The following SHISA9 variants were observed in gnomAD, a reference collection of about 807,000 sequenced individuals.
The protein encoded by SHISA9 is shisa family member 9, also known as protein shisa-9.
A neutral mutation model predicts 38.0 loss-of-function variants in SHISA9; 13 were observed. The observed-to-expected ratio is 0.34, with a 90% CI of 0.22 to 0.54. The LOEUF is 0.54. Ranked by LOEUF, SHISA9 falls within the 20% of genes least tolerant of loss-of-function variation. The pLI, the probability that SHISA9 is intolerant of heterozygous loss-of-function variation, is 0.91. For missense variants in SHISA9, 538 were observed against 575.8 expected (o/e 0.93, Z 0.67); for synonymous variants, 275 against 242.0 (o/e 1.14, Z -1.27).
intron 2 of SHISA9, among the ~76,000 whole-genome samples, chr16:12,944,408 GC>G (rs1383001768): frequency 1.3e-5 from 2 of 152,194 alleles, no homozygotes; most frequent in Non-Finnish European, 2.9e-5. Context: ...GTCAATACAT[GC>G]TAGCATCTGG....
the SHISA9 span, among the ~76,000 whole-genome samples, chr16:13,511,115 C>T: frequency 1.4e-4 from 21 of 152,158 alleles, no homozygotes; most frequent in Admixed American, 1.4e-3. Context: ...TCAAGAGTAA[C>T]TACTAATAAA....
chr16:13,462,645 T>G, the SHISA9 span, among the ~76,000 whole-genome samples: 1 of 151,902 alleles, frequency 6.6e-6, no homozygotes, highest in Admixed American at 6.6e-5. Flanking sequence ...GCCAACATGG[T>G]AAAACCCTGT....
At chr16:13,301,396 C>T in the SHISA9 span, among the ~76,000 whole-genome samples, 1 of 152,172 alleles carries the variant, frequency 6.6e-6, no homozygotes, top group Admixed American at 6.5e-5. Flanking sequence ...TTTGAATAGG[C>T]CCCCACATAA....
At chr16:12,966,281 C>T (rs1017471166) in intron 2 of SHISA9, among the ~76,000 whole-genome samples, 1 of 152,200 alleles carries the variant, frequency 6.6e-6, no homozygotes, top group African/African-American at 2.4e-5. Context: ...TACCCTTGGC[C>T]TTTAAGACCA....
the SHISA9 span, among the ~76,000 whole-genome samples, chr16:13,519,045 A>G: frequency 1.3e-5 from 2 of 152,212 alleles, no homozygotes; most frequent in Admixed American, 6.5e-5. Context: ...TAAGTTTCCA[A>G]TATATGCTTT....
At chr16:13,168,879 C>G (rs1051218221) in intron 2 of SHISA9, among the ~76,000 whole-genome samples, 1 of 152,234 alleles carries the variant, frequency 6.6e-6, no homozygotes, top group Admixed American at 6.5e-5. Flanking sequence ...CAATACCTGC[C>G]TCACAGAGCC....
At chr16:13,416,534 G>T in the SHISA9 span, among the ~76,000 whole-genome samples, 1 of 152,046 alleles carries the variant, frequency 6.6e-6, no homozygotes, top group South Asian at 2.1e-4. Flanking sequence ...TTATTCCTGT[G>T]GAAACCACTT....
At chr16:13,007,346 C>A (rs1319856560) in intron 2 of SHISA9, among the ~76,000 whole-genome samples, 5 of 152,160 alleles carry the variant, frequency 3.3e-5, no homozygotes, top group Admixed American at 6.5e-5. Flanking sequence ...TCTTTTCCAA[C>A]CTCCCACCCC....
intron 2 of SHISA9, among the ~76,000 whole-genome samples, chr16:13,098,655 A>T (rs1330589387): frequency 6.6e-6 from 1 of 152,244 alleles, no homozygotes; most frequent in African/African-American, 2.4e-5. Context: ...TGGAGGCTGC[A>T]GGAGGCAGGA....
the SHISA9 span, among the ~76,000 whole-genome samples, chr16:13,419,558 G>T: frequency 1.3e-5 from 2 of 152,178 alleles, no homozygotes; most frequent in Non-Finnish European, 2.9e-5. Context: ...GAAGACATGT[G>T]GGAAGTCTAG....
chr16:13,377,980 C>CT, the SHISA9 span, among the ~76,000 whole-genome samples: 3 of 152,182 alleles, frequency 2.0e-5, no homozygotes, highest in African/African-American at 7.2e-5. Context: ...TGGCAGTGAG[C>CT]TGAGATTGTG....
At chr16:13,307,615 C>T in the SHISA9 span, among the ~76,000 whole-genome samples, 1 of 152,204 alleles carries the variant, frequency 6.6e-6, no homozygotes, top group Non-Finnish European at 1.5e-5. Context: ...AATGACTAAT[C>T]AGACAAAAGT....
the SHISA9 span, among the ~76,000 whole-genome samples, chr16:13,373,022 G>A: frequency 1.3e-5 from 2 of 151,858 alleles, no homozygotes; most frequent in Non-Finnish European, 2.9e-5. Context: ...ACCAATTCTT[G>A]CCCCCCTTGG....
chr16:13,100,240 T>A (rs1157528128), intron 2 of SHISA9, among the ~76,000 whole-genome samples: 1 of 152,250 alleles, frequency 6.6e-6, no homozygotes, highest in Non-Finnish European at 1.5e-5. Flanking sequence ...ACAAAACATA[T>A]TTGCAGTACC....
chr16:13,528,486 T>G, the SHISA9 span, among the ~76,000 whole-genome samples: 1 of 152,166 alleles, frequency 6.6e-6, no homozygotes, highest in African/African-American at 2.4e-5. Flanking sequence ...CAAAAATTGT[T>G]TTAAAAACTG....
Position 13,093,621 on chromosome 16 carries a change from C to G in SHISA9, c.692-109773C>G, listed in dbSNP as rs376074629. Among the ~76,000 whole-genome samples, 374 of 152,232 alleles carry G rather than the reference C, an allele frequency of 2.5e-3. 2 individuals are homozygous for G. Among genetic ancestry groups the G allele is most frequent in the South Asian group, 8.5e-3 (41 of 4,808 alleles). ...AGAAAGCCAGGTCTCTGGGAAAAGT[C>G]TCGTTTCCCTTTAGTAACTGGTGCT... On this transcript the variant is annotated intron_variant, in intron 2 of 4. Transcript: ENST00000558583.
At chr16:13,447,519 T>C in the SHISA9 span, among the ~76,000 whole-genome samples, 111,361 of 152,108 alleles carry the variant, frequency 0.73, 40,924 homozygotes, top group Admixed American at 0.82. Context: ...GAGCACCTGC[T>C]AGACCCACTA....
intron 2 of SHISA9, among the ~76,000 whole-genome samples, chr16:12,970,705 G>C (rs994855292): frequency 6.7e-6 from 1 of 149,796 alleles, no homozygotes; most frequent in Non-Finnish European, 1.5e-5. Flanking sequence ...TGTATTTTTA[G>C]TACAGACGGG....
At chr16:13,455,426 G>A in the SHISA9 span, among the ~76,000 whole-genome samples, 1 of 151,992 alleles carries the variant, frequency 6.6e-6, no homozygotes, top group Non-Finnish European at 1.5e-5. Flanking sequence ...CATTCACCAG[G>A]GATTTATGTA....
Sources: gnomAD v4.1 joint callset for allele counts (sites outside exome capture counted in the v4.1 genomes callset) on GRCh38, gnomAD v4.1.1 for gene constraint, MANE v1.5 for transcripts, NCBI Gene and HGNC (gene_info 2026-07-23, HGNC 2026-07-21) for gene names.